LINGO2: variants seen among roughly 807,000 people sequenced by gnomAD.
LINGO2 encodes the protein leucine-rich repeat and immunoglobulin-like domain-containing nogo receptor-interacting protein 2.
LINGO2 carries 14 observed loss-of-function variants against 30.6 expected under a neutral mutation model. The observed-to-expected ratio is 0.46, with a 90% CI of 0.30 to 0.72. The LOEUF (loss-of-function observed/expected upper bound fraction) is 0.72, where lower values mean the gene tolerates loss of function less well. LINGO2 is among the 30% of genes least tolerant of loss of function. LINGO2 has a pLI of 0.07. For synonymous variants in LINGO2, 317 were observed against 288.5 expected (o/e 1.10, Z -1.00); for missense variants, 729 against 751.7 (o/e 0.97, Z 0.35).
At chr9:28,040,882 A>T (rs923809154) in intron 4 of LINGO2, among the ~76,000 whole-genome samples, 4 of 152,208 alleles carry the variant, frequency 2.6e-5, no homozygotes, top group East Asian at 1.9e-4. Flanking sequence ...ACTGCCTATT[A>T]TATCAGGCAC....
chr9:28,372,707 A>C (rs529572173), intron 3 of LINGO2, 129 bp downstream of exon 5: 3 of 152,740 alleles, frequency 2.0e-5, no homozygotes, highest in South Asian at 4.1e-4. Flanking sequence ...AAGAATTTAA[A>C]CTGATGGATA....
chr9:28,724,362 GATCA>G, the LINGO2 span, among the ~76,000 whole-genome samples: 1 of 152,146 alleles, frequency 6.6e-6, no homozygotes, highest in Non-Finnish European at 1.5e-5. Context: ...GGGAAATATT[GATCA>G]ATTAGATTTA....
At chr9:28,090,466 C>T (rs1826046364) in intron 4 of LINGO2, among the ~76,000 whole-genome samples, 1 of 152,178 alleles carries the variant, frequency 6.6e-6, no homozygotes, top group Non-Finnish European at 1.5e-5. Flanking sequence ...CAAAAAACCA[C>T]ATGATTATCT....
the LINGO2 span, among the ~76,000 whole-genome samples, chr9:28,939,812 T>A: frequency 6.6e-6 from 1 of 152,120 alleles, no homozygotes; most frequent in Non-Finnish European, 1.5e-5. Context: ...CTACCCCACC[T>A]TTCTGAATTC....
At chr9:27,962,768 T>A (rs541310438) in intron 5 of LINGO2, among the ~76,000 whole-genome samples, 6 of 152,270 alleles carry the variant, frequency 3.9e-5, no homozygotes, top group African/African-American at 1.4e-4. Context: ...AATGTCCGAC[T>A]GTGACCAAGG....
At chr9:28,233,068 T>C (rs1821428729) in intron 4 of LINGO2, among the ~76,000 whole-genome samples, 1 of 109,752 alleles carries the variant, frequency 9.1e-6, no homozygotes, top group South Asian at 2.7e-4. Flanking sequence ...ATATTAGATA[T>C]ATAATAGATA....
chr9:28,561,293 A>T (rs1412060460), intron 1 of LINGO2, among the ~76,000 whole-genome samples: 6 of 151,918 alleles, frequency 3.9e-5, no homozygotes, highest in Non-Finnish European at 8.8e-5. Context: ...GTTAAAAAAA[A>T]TTCACTCAAT....
At chr9:28,027,029 G>A (rs1823412042) in intron 4 of LINGO2, among the ~76,000 whole-genome samples, 1 of 152,088 alleles carries the variant, frequency 6.6e-6, no homozygotes, top group Non-Finnish European at 1.5e-5. Flanking sequence ...GCTGTATAGG[G>A]GCAAGCACCA....
At chr9:28,365,422 G>T (rs570643920) in intron 3 of LINGO2, among the ~76,000 whole-genome samples, 14 of 152,196 alleles carry the variant, frequency 9.2e-5, no homozygotes, top group Non-Finnish European at 2.1e-4. Flanking sequence ...GATCTGTGCT[G>T]CAGAGGCGAC....
the LINGO2 span, among the ~76,000 whole-genome samples, chr9:29,070,297 T>A: frequency 6.6e-6 from 1 of 152,130 alleles, no homozygotes; most frequent in Non-Finnish European, 1.5e-5. Flanking sequence ...ATTTCCTGTT[T>A]CTTCATCAGG....
chr9:28,931,952 A>G, the LINGO2 span, among the ~76,000 whole-genome samples: 8 of 151,586 alleles, frequency 5.3e-5, no homozygotes, highest in African/African-American at 1.7e-4. Flanking sequence ...TACTAAAAAT[A>G]CAAAAATTAG....
At chr9:28,988,805 C>T in the LINGO2 span, among the ~76,000 whole-genome samples, 1 of 152,198 alleles carries the variant, frequency 6.6e-6, no homozygotes, top group Non-Finnish European at 1.5e-5. Flanking sequence ...GGACTGGTGG[C>T]ACAGTTGAAG....
chr9:28,319,604 C>G (rs1361713119), intron 3 of LINGO2, among the ~76,000 whole-genome samples: 1 of 151,976 alleles, frequency 6.6e-6, no homozygotes, highest in Non-Finnish European at 1.5e-5. Context: ...ATTTATGACA[C>G]TAAATAAAAG....
the LINGO2 span, among the ~76,000 whole-genome samples, chr9:28,869,208 G>C: frequency 6.6e-6 from 1 of 152,128 alleles, no homozygotes; most frequent in Admixed American, 6.6e-5. Context: ...GAATCAAAGG[G>C]AATACTTAAT....
chr9:28,908,101 C>G, the LINGO2 span, among the ~76,000 whole-genome samples: 101 of 151,644 alleles, frequency 6.7e-4, no homozygotes, highest in Middle Eastern at 3.4e-3. Flanking sequence ...GATATTAATA[C>G]TTTATAGAAA....
chr9:28,742,795 C>A, the LINGO2 span, among the ~76,000 whole-genome samples: 1 of 151,888 alleles, frequency 6.6e-6, no homozygotes, highest in Non-Finnish European at 1.5e-5. Context: ...ATTTGTAATA[C>A]CATTTCAAAT....
At chr9:28,824,714 G>C in the LINGO2 span, among the ~76,000 whole-genome samples, 1 of 152,024 alleles carries the variant, frequency 6.6e-6, no homozygotes, top group African/African-American at 2.4e-5. Context: ...TGTTAAATGT[G>C]ACTAATTTCA....
chr9:29,048,606 C>G, the LINGO2 span, among the ~76,000 whole-genome samples: 2 of 152,054 alleles, frequency 1.3e-5, no homozygotes, highest in African/African-American at 4.8e-5. Context: ...CAGCATGTTA[C>G]TGACATAAAA....
the LINGO2 span, among the ~76,000 whole-genome samples, chr9:28,844,770 T>C: frequency 4.6e-5 from 7 of 151,962 alleles, no homozygotes; most frequent in East Asian, 1.9e-4. Flanking sequence ...TTAATATTCA[T>C]AGCTTTTATT....
Sources: gnomAD v4.1 joint callset for allele counts (sites outside exome capture counted in the v4.1 genomes callset) on GRCh38, gnomAD v4.1.1 for gene constraint, MANE v1.5 for transcripts, NCBI Gene and HGNC (gene_info 2026-07-23, HGNC 2026-07-21) for gene names.